TMOD2: variants seen among roughly 807,000 people sequenced by gnomAD.
TMOD2 encodes the protein tropomodulin 2, also known as tropomodulin-2.
In TMOD2, 22 loss-of-function variants were observed where a neutral mutation model predicts 39.9. The ratio of observed to expected loss-of-function variants is 0.55; its 90% CI spans 0.39 to 0.79. TMOD2 has a LOEUF of 0.79. TMOD2 is among the 30% of genes least tolerant of loss of function. TMOD2 has a pLI of 0.00. For synonymous variants in TMOD2, 123 were observed against 146.1 expected (o/e 0.84, Z 1.14); for missense variants, 386 against 413.3 (o/e 0.93, Z 0.57).
Position 51,811,691 on chromosome 15 carries a change from A to C in TMOD2, c.*3237A>C, listed in dbSNP as rs1000865902. On this transcript the variant is annotated 3_prime_UTR_variant, in exon 10 of 10. Coordinates refer to ENST00000249700, the MANE Select transcript of TMOD2 (RefSeq NM_014548.4). The stretch of plus-strand genomic sequence containing the variant: ...TGTGTATGTGTGTGTGTACTGTCAG[A>C]TATCTAACTAGGTATTTGGCTACAT... 7 of 152,078 alleles carry C rather than the reference A, an allele frequency of 4.6e-5. No homozygotes were observed. Among genetic ancestry groups the C allele is most frequent in the Admixed American group, 2.0e-4 (3 of 15,264 alleles). 9.4% of individuals were successfully genotyped at this position (152,078 alleles called of 1,614,324 possible).
intron 7 of TMOD2, among the ~76,000 whole-genome samples, chr15:51,791,560 C>A (rs2056012243): frequency 6.6e-6 from 1 of 152,164 alleles, no homozygotes; most frequent in South Asian, 2.1e-4. Flanking sequence ...CAATCCTGGG[C>A]AAGAAGAACA....
intron 3 of TMOD2, among the ~76,000 whole-genome samples, chr15:51,770,055 A>G (rs1285807934): frequency 2.6e-5 from 4 of 151,996 alleles, no homozygotes; most frequent in Admixed American, 2.6e-4. Flanking sequence ...AACAAACCAA[A>G]TCTTGGCATT....
chr15:51,772,381 T>C (rs1419723285), intron 3 of TMOD2, among the ~76,000 whole-genome samples: 2 of 152,224 alleles, frequency 1.3e-5, no homozygotes, highest in African/African-American at 2.4e-5. Flanking sequence ...TGGGGTGTTT[T>C]GATCATGGCT....
chr15:51,804,533 T>A (rs1167683461), intron 8 of TMOD2, among the ~76,000 whole-genome samples: 2 of 152,088 alleles, frequency 1.3e-5, no homozygotes, highest in Admixed American at 6.5e-5. Context: ...TTTTAATTTG[T>A]GTTTTCTAAA....
chr15:51,797,863 T>C, intron 7 of TMOD2, among the ~76,000 whole-genome samples: 1 of 150,774 alleles, frequency 6.6e-6, no homozygotes, highest in Non-Finnish European at 1.5e-5. Flanking sequence ...TTTTTTCTAA[T>C]GTTAAAATGT....
chr15:51,753,969 G>A (rs781700806), intron 1 of TMOD2, among the ~76,000 whole-genome samples: 14 of 152,016 alleles, frequency 9.2e-5, no homozygotes, highest in African/African-American at 1.2e-4. Context: ...GGGGTGGTTC[G>A]TGACAAACAG....
intron 7 of TMOD2, among the ~76,000 whole-genome samples, chr15:51,792,314 T>G (rs1437218683): frequency 6.6e-6 from 1 of 152,152 alleles, no homozygotes; most frequent in African/African-American, 2.4e-5. Flanking sequence ...CACAATGAGA[T>G]ACCATCTCAT....
Position 51,751,640 on chromosome 15 carries a change from T to G in TMOD2, c.-142T>G. 5.6e-6 allele frequency: 1 copy of G among 179,212 alleles called. No homozygotes were observed. Among genetic ancestry groups the G allele is most frequent in the Non-Finnish European group, 1.2e-5 (1 of 86,444 alleles). The allele number at this position is 179,212 out of a possible 1,614,324, so 11.1% of individuals were successfully genotyped here. The stretch of plus-strand genomic sequence containing the variant: ...CCCGGCCACGGCGCCGCCCCTGTTC[T>G]CCCGGCCCCGCTCCACCGGGGCTGA... On this transcript the variant is annotated 5_prime_UTR_variant, in exon 1 of 10. Transcript: ENST00000249700.
intron 7 of TMOD2, among the ~76,000 whole-genome samples, chr15:51,789,342 G>A (rs1210542099): frequency 6.6e-6 from 1 of 152,192 alleles, no homozygotes; most frequent in Non-Finnish European, 1.5e-5. Flanking sequence ...CAATACAGGA[G>A]CACCCAGATT....
Position 51,773,744 on chromosome 15 carries a change from G to GA in TMOD2, c.319dup (p.Thr107AsnfsTer3). 6.2e-7 allele frequency: 1 copy of GA among 1,612,594 alleles called. No individual in the cohort carries two copies. The highest frequency in any genetic ancestry group is 8.5e-7 in the Non-Finnish European group (1 of 1,179,530). On this transcript the variant is annotated frameshift_variant, in exon 4 of 10. Transcript: ENST00000249700. LOFTEE classifies it high-confidence loss of function. ...CTTTATCCCTAAAGAAAAGCCTATA[G>GA]AAACTCGTAAAGAAGAAAAAGTGAC...
intron 8 of TMOD2, among the ~76,000 whole-genome samples, chr15:51,802,682 C>T (rs912352734): frequency 3.3e-5 from 5 of 152,314 alleles, no homozygotes; most frequent in African/African-American, 4.8e-5. Flanking sequence ...TCCCTTGATA[C>T]GGTCCCACTC....
intron 1 of TMOD2, among the ~76,000 whole-genome samples, chr15:51,763,729 C>T (rs552187033): frequency 3.9e-5 from 6 of 152,282 alleles, no homozygotes; most frequent in Admixed American, 6.5e-5. Context: ...ACCTTTACAT[C>T]CACTCTGCTA....
At chr15:51,797,299 A>AG (rs1210582252) in intron 7 of TMOD2, among the ~76,000 whole-genome samples, 1 of 152,080 alleles carries the variant, frequency 6.6e-6, no homozygotes, top group Non-Finnish European at 1.5e-5. Context: ...GGGAGACTTC[A>AG]TTGATTGTGC....
chr15:51,776,950 A>G lies in TMOD2; in HGVS notation c.425A>G (p.Asn142Ser). Residue 142 changes from asparagine to serine, a missense_variant, in exon 5 of 10, where the codon AAT becomes AGT. By Grantham distance (46) the Asn-to-Ser change is conservative. Coordinates refer to ENST00000249700, the MANE Select transcript of TMOD2 (RefSeq NM_014548.4). ...YDLAAVLGVH[N>S]LLNNPKFDEE... ...TTTTTAGCTGTCCTTGGAGTACACA[A>G]TTTGCTCAACAATCCAAAGTTCGAT... 3 of 1,613,888 alleles carry G rather than the reference A, an allele frequency of 1.9e-6. No individual in the cohort carries two copies. The highest frequency in any genetic ancestry group is 2.7e-5 in the African/African-American group (2 of 75,016).
At chr15:51,768,036 A>G (rs2055827484) in intron 2 of TMOD2, among the ~76,000 whole-genome samples, 1 of 152,220 alleles carries the variant, frequency 6.6e-6, no homozygotes, top group Non-Finnish European at 1.5e-5. Flanking sequence ...TGCTCTAGCC[A>G]TCTATGCGCT....
At chr15:51,765,202 T>C (rs2055808451) in intron 1 of TMOD2, among the ~76,000 whole-genome samples, 1 of 152,194 alleles carries the variant, frequency 6.6e-6, no homozygotes, top group African/African-American at 2.4e-5. Flanking sequence ...GGTTTCACCA[T>C]ATTGGTCAGG....
At chr15:51,767,518 C>G (rs2055824011) in intron 2 of TMOD2, among the ~76,000 whole-genome samples, 1 of 152,044 alleles carries the variant, frequency 6.6e-6, no homozygotes, top group Non-Finnish European at 1.5e-5. Context: ...GATTAGCAAG[C>G]ACTTTCTTCA....
chr15:51,793,863 A>G (rs985433716), intron 7 of TMOD2, among the ~76,000 whole-genome samples: 1 of 152,258 alleles, frequency 6.6e-6, no homozygotes, highest in Non-Finnish European at 1.5e-5. Flanking sequence ...TGTAGAGTCC[A>G]AAAGGAAAGT....
At chr15:51,786,807 A>G (rs2055973464) in intron 7 of TMOD2, among the ~76,000 whole-genome samples, 1 of 152,264 alleles carries the variant, frequency 6.6e-6, no homozygotes. Context: ...CCACATAAAA[A>G]TCAAGAGTTT....
Sources: allele counts gnomAD v4.1 joint callset (sites outside exome capture counted in the v4.1 genomes callset), GRCh38; gene constraint gnomAD v4.1.1; transcripts MANE v1.5; gene names NCBI Gene and HGNC (gene_info 2026-07-23, HGNC 2026-07-21).